The following CX3CL1 variants were observed in gnomAD, a reference collection of about 807,000 sequenced individuals.
The protein encoded by CX3CL1 is fractalkine.
A neutral mutation model predicts 14.1 loss-of-function variants in CX3CL1; 1 was observed. The ratio of observed to expected loss-of-function variants is 0.07; its 90% confidence interval spans 0.03 to 0.34. The LOEUF (loss-of-function observed/expected upper bound fraction) is 0.34. CX3CL1 is among the 10% of genes least tolerant of loss of function. The probability of loss-of-function intolerance (pLI) is 0.99; values close to 1 mark genes in which losing one functional copy is unlikely to be tolerated. For synonymous variants in CX3CL1, 255 were observed against 229.6 expected (o/e 1.11, Z -1.00); for missense variants, 505 against 536.4 (o/e 0.94, Z 0.58).
intron 1 of CX3CL1, among the ~76,000 whole-genome samples, chr16:57,374,453 GA>G (rs1288333989): frequency 1.6e-4 from 24 of 147,866 alleles, no homozygotes; most frequent in Admixed American, 1.2e-3. Flanking sequence ...GCAAGAAAGA[GA>G]AAAAAAAACG....
At position 57,379,738 on chromosome 16, in the gene CX3CL1, G is replaced by A. The variant is rs922429112; in HGVS notation, c.175G>A (p.Gly59Ser). Residue 59 changes from glycine to serine, a missense_variant, in exon 2 of 3, where the codon GGC becomes AGC. Transcript: ENST00000006053. ...CTATCAACAGAACCAGGCATCATGC[G>A]GCAAACGCGCAATCATGTAGGTACT... is the stretch of plus-strand genomic sequence containing the variant. ...IHYQQNQASC[G>S]KRAIILETRQ... 8.1e-6 allele frequency: 13 copies of A among 1,614,110 alleles called. No homozygotes were observed. Among genetic ancestry groups the A allele is most frequent in the Non-Finnish European group, 1.0e-5 (12 of 1,180,042 alleles).
At chr16:57,372,666 C>T (rs1392580794) in intron 1 of CX3CL1, 28 bp downstream of exon 1, 2 of 1,610,868 alleles carry the variant, frequency 1.2e-6, no homozygotes, top group Admixed American at 1.7e-5. Context: ...TGGGCACAAA[C>T]AGGGTAGGGA....
At chr16:57,377,033 G>A (rs886220280) in intron 1 of CX3CL1, 1 of 152,260 alleles carries the variant, frequency 6.6e-6, no homozygotes, top group Non-Finnish European at 1.5e-5. Context: ...GCCGGGCCAG[G>A]ACCATTCAGG....
At chr16:57,381,553 C>A (rs867335055) in intron 2 of CX3CL1, among the ~76,000 whole-genome samples, 2 of 152,050 alleles carry the variant, frequency 1.3e-5, no homozygotes, top group South Asian at 2.1e-4. Flanking sequence ...AAGTCCCCCC[C>A]AGCAGAAGAC....
chr16:57,379,873 A>G, intron 2 of CX3CL1, 119 bp downstream of exon 2: 1 of 1,196,164 alleles, frequency 8.4e-7, no homozygotes, highest in Non-Finnish European at 1.2e-6. Flanking sequence ...CAAAGGCCTC[A>G]GCACACGCTT....
intron 2 of CX3CL1, 73 bp downstream of exon 2, chr16:57,379,827 C>T (rs70937031): frequency 2.0e-5 from 31 of 1,556,926 alleles, no homozygotes; most frequent in East Asian, 9.0e-5. Context: ...TGAGAATCTA[C>T]GTCCACACCT....
intron 2 of CX3CL1, among the ~76,000 whole-genome samples, chr16:57,380,490 G>A (rs1315144062): frequency 1.3e-5 from 2 of 152,046 alleles, no homozygotes; most frequent in Admixed American, 1.3e-4. Context: ...CCCAGGATGC[G>A]GAGGTTGCAG....
chr16:57,382,779 C>G lies in CX3CL1; in HGVS notation c.941C>G (p.Pro314Arg), dbSNP rs563906804. The change falls in exon 3 of 3, where the codon CCC becomes CGC. Residue 314 changes from proline to arginine, a missense_variant. Pro to Arg is a moderately radical substitution (Grantham distance 103). Coordinates refer to ENST00000006053, the MANE Select transcript of CX3CL1 (RefSeq NM_002996.6). This position sits in a 1 kb window ranked among gnomAD's most constrained non-coding sequence, Gnocchi z 6.9. Reference protein sequence around the residue: ...SGSWTPKAEEPIHATMDPQRL... With the variant: ...SGSWTPKAEERIHATMDPQRL... ...AGCTGGACCCCTAAGGCTGAGGAACCCATCCATGCCACCATGGACCCCCAG... is the reference window on the plus strand; with the variant it reads ...AGCTGGACCCCTAAGGCTGAGGAACGCATCCATGCCACCATGGACCCCCAG... 3 of 1,609,000 alleles carry G rather than the reference C, an allele frequency of 1.9e-6. No homozygotes were observed. Among genetic ancestry groups the G allele is most frequent in the South Asian group, 2.2e-5 (2 of 90,910 alleles).
At chr16:57,381,927 G>C in intron 2 of CX3CL1, 103 bp from the exon 3 acceptor site, 1 of 1,279,714 alleles carries the variant, frequency 7.8e-7, no homozygotes, top group Non-Finnish European at 1.1e-6. Context: ...GTTTCCAGCC[G>C]GGTGTGTTCA....
chr16:57,373,917 G>C (rs1404152283), intron 1 of CX3CL1, among the ~76,000 whole-genome samples: 7 of 152,118 alleles, frequency 4.6e-5, no homozygotes, highest in Non-Finnish European at 8.8e-5. Context: ...GTTTTGAAGA[G>C]GGCGGAGGAG....
chr16:57,384,081 C>T lies in CX3CL1; in HGVS notation c.*1049C>T, dbSNP rs1449501661. ...GGAGGGAGGGCTCCAGACACATGTCCAAGAAGCCCAGGAAAGGCTCCAGGA... is the reference window on the plus strand; with the variant it reads ...GGAGGGAGGGCTCCAGACACATGTCTAAGAAGCCCAGGAAAGGCTCCAGGA... On this transcript the variant is annotated 3_prime_UTR_variant, in exon 3 of 3. Transcript: ENST00000006053. The T allele has an allele frequency of 2.0e-5, 3 of 152,342 alleles. No individual in the cohort carries two copies. The East Asian group carries it at 5.8e-4, about 29-fold the overall frequency. 9.4% of individuals were successfully genotyped at this position (152,342 alleles called of 1,614,324 possible). A position where few individuals can be genotyped will look rare whatever the true frequency, so the allele number is the denominator to read the frequency against.
intron 1 of CX3CL1, 185 bp from the exon 2 acceptor site, chr16:57,379,449 A>T: frequency 1.7e-6 from 1 of 579,596 alleles, no homozygotes; most frequent in Non-Finnish European, 3.0e-6. Flanking sequence ...CCTATTTTAC[A>T]GGTGGGGAAA....
intron 2 of CX3CL1, among the ~76,000 whole-genome samples, chr16:57,380,657 C>CAG (rs2308249): frequency 0.51 from 78,206 of 151,858 alleles, 22,899 homozygotes; most frequent in East Asian, 0.71. Context: ...AGACAGGAAA[C>CAG]GACCATTTCG....
rs374788858 is a variant in CX3CL1 at position 57,379,733 on chromosome 16, C to T, written c.170C>T (p.Ser57Leu). 152 of 1,614,150 alleles carry T rather than the reference C, an allele frequency of 9.4e-5. No individual in the cohort carries two copies. Among genetic ancestry groups the T allele is most frequent in the Admixed American group, 1.3e-4 (8 of 60,008 alleles). Residue 57 changes from serine (S) to leucine (L), a missense_variant, in exon 2 of 3, where the codon TCA becomes TTA. Physicochemically the swap from Ser to Leu is moderately radical, Grantham distance 145 (BLOSUM62 -2). Transcript: ENST00000006053. ...ATCCACTATCAACAGAACCAGGCAT[C>T]ATGCGGCAAACGCGCAATCATGTAG... is the stretch of plus-strand genomic sequence containing the variant. ...LLIHYQQNQASCGKRAIILET... is the reference protein window; with the variant it reads ...LLIHYQQNQALCGKRAIILET...
Position 57,382,658 on chromosome 16 carries a change from G to T in CX3CL1, c.820G>T (p.Ala274Ser), listed in dbSNP as rs1241205421. ...GGGTCCCGTGCCAGCGCACACGGAT[G>T]CCTTCCAGGACTGGGGGCCTGGCAG... is the stretch of plus-strand genomic sequence containing the variant. Reference protein sequence around the residue: ...EMGPVPAHTDAFQDWGPGSMA... With the variant: ...EMGPVPAHTDSFQDWGPGSMA... Residue 274 changes from alanine to serine, a missense_variant, in exon 3 of 3, where the codon GCC becomes TCC. Physicochemically the swap from Ala to Ser is moderately conservative, Grantham distance 99. Transcript: ENST00000006053. This position sits in a 1 kb window ranked among gnomAD's most constrained non-coding sequence, Gnocchi z 6.9. 1.9e-6 allele frequency: 3 copies of T among 1,613,132 alleles called. No individual in the cohort carries two copies. The highest frequency in any genetic ancestry group is 2.7e-5 in the African/African-American group (2 of 74,922).
rs1474884663 is a variant in CX3CL1 at position 57,372,606 on chromosome 16, C to T, written c.38C>T (p.Ala13Val). Residue 13 changes from alanine (A) to valine (V), a missense_variant, in exon 1 of 3, where the codon GCC becomes GTC. Ala to Val is a moderately conservative substitution (Grantham distance 64). Coordinates refer to ENST00000006053, the MANE Select transcript of CX3CL1 (RefSeq NM_002996.6). ...PISLSWLLRL[A>V]TFCHLTVLLA... ...TCTCTGTCGTGGCTGCTCCGCTTGG[C>T]CACCTTCTGCCATCTGACTGTCCTG... 2 of 1,613,442 alleles carry T rather than the reference C, an allele frequency of 1.2e-6. No homozygotes were observed. The highest frequency in any genetic ancestry group is 3.3e-5 in the Admixed American group (2 of 59,998).
At chr16:57,375,608 T>A (rs1342330140) in intron 1 of CX3CL1, among the ~76,000 whole-genome samples, 1 of 152,200 alleles carries the variant, frequency 6.6e-6, no homozygotes, top group African/African-American at 2.4e-5. Context: ...GTCACATCCA[T>A]TTTACAAGTA....
Position 57,381,507 on chromosome 16 carries a change from T to C in CX3CL1, c.192-523T>C, listed in dbSNP as rs550810466. On this transcript the variant is annotated intron_variant, in intron 2 of 2. Transcript: ENST00000006053. ...GACTCACAAAGTCTCATAAGGCCTG[T>C]TCCAGAGTGAGGAGGCCCCATACAG... Among the ~76,000 whole-genome samples, 12 of 152,150 alleles carry C rather than the reference T, an allele frequency of 7.9e-5. No individual in the cohort carries two copies. In the South Asian group the frequency reaches 2.5e-3, roughly 32 times the overall value.
At position 57,380,016 on chromosome 16, in the gene CX3CL1, A is replaced by G. The variant is rs143278845; in HGVS notation, c.191+262A>G. On this transcript the variant is annotated intron_variant, in intron 2 of 2. Coordinates refer to ENST00000006053, the MANE Select transcript of CX3CL1 (RefSeq NM_002996.6). ...CCCTGGCTTGTGGCCTGGAGCAGCC[A>G]TGAAGGGTGGTAATTCCTCCTGGGC... Among the ~76,000 whole-genome samples the G allele has an allele frequency of 7.7e-3, 1,167 of 152,292 alleles. 22 individuals carry two copies. Among genetic ancestry groups the G allele is most frequent in the African/African-American group, 0.027 (1,105 of 41,566 alleles).
Sources: gnomAD v4.1 joint callset for allele counts (sites outside exome capture counted in the v4.1 genomes callset) on GRCh38, gnomAD v4.1.1 for gene constraint, Gnocchi (gnomAD v3.1) non-coding constraint, MANE v1.5 for transcripts, NCBI Gene and HGNC (gene_info 2026-07-23, HGNC 2026-07-21) for gene names.